Variants in PSG9 observed in about 807,000 individuals in gnomAD.
PSG9 encodes pregnancy-specific beta-1-glycoprotein 9.
A neutral mutation model predicts 41.9 loss-of-function variants in PSG9; 49 were observed. That is an observed-to-expected ratio of 1.17 (90% CI 0.93 to 1.48). PSG9 has a LOEUF of 1.48. Ranked by LOEUF, PSG9 falls within the 40% of genes most tolerant of loss-of-function variation. PSG9 has a pLI of 0.00. For missense variants in PSG9, 641 were observed against 520.3 expected, an observed-to-expected ratio of 1.23 and a Z score of -2.26; for synonymous variants, 263 against 196.8, an observed-to-expected ratio of 1.34 and a Z score of -2.82.
At chr19:43,262,760 C>G (rs1406353909) in intron 2 of PSG9, among the ~76,000 whole-genome samples, 1 of 152,114 alleles carries the variant, frequency 6.6e-6, no homozygotes, top group Non-Finnish European at 1.5e-5. Context: ...CTCATAGTGA[C>G]TGACTTGAGC....
At chr19:43,258,816 A>G (rs1968565156) in intron 4 of PSG9, 41 bp downstream of exon 4, 1 of 1,580,600 alleles carries the variant, frequency 6.3e-7, no homozygotes, top group Admixed American at 1.7e-5. Context: ...GTTTGGACTT[A>G]AGCTGGTGTC....
Position 43,267,869 on chromosome 19 carries a change from C to A in PSG9, c.345G>T (p.Lys115Asn), listed in dbSNP as rs1969048555. ...ASLLIQNVTRKDAGTYTLHII... is the reference protein window; with the variant it reads ...ASLLIQNVTRNDAGTYTLHII... ...TGTGTAAGGTGTAGGTTCCTGCATC[C>A]TTCCGGGTGACATTCTGGATCAGCA... Residue 115 changes from lysine to asparagine, a missense_variant, in exon 2 of 6, where the codon AAG becomes AAT. By Grantham distance (94) the Lys-to-Asn change is moderately conservative (BLOSUM62 0). Transcript: ENST00000270077. The A allele has an allele frequency of 1.9e-6, 3 of 1,613,802 alleles. No individual in the cohort carries two copies. The highest frequency in any genetic ancestry group is 1.3e-5 in the African/African-American group (1 of 75,012).
chr19:43,269,414 G>C lies in PSG9; in HGVS notation c.18C>G (p.Ala6=). MGPLP[A]PSCTQRITWK... is the part of the protein sequence containing the mutation. The stretch of plus-strand genomic sequence containing the variant: ...AGGTGATGCGCTGTGTGCAGGAAGG[G>C]GCTGGGAGGGGCCCCATGGTCTCTG... Residue 6 remains alanine (A), a synonymous_variant, in exon 1 of 6, where the codon GCC becomes GCG. Coordinates refer to ENST00000270077, the MANE Select transcript of PSG9 (RefSeq NM_002784.5). 2 of 1,613,676 alleles carry C rather than the reference G, an allele frequency of 1.2e-6. No individual in the cohort carries two copies. The highest frequency in any genetic ancestry group is 1.7e-6 in the Non-Finnish European group (2 of 1,179,702).
intron 1 of PSG9, 35 bp downstream of exon 1, chr19:43,269,333 T>A (rs1969137926): frequency 1.2e-6 from 2 of 1,612,538 alleles, no homozygotes; most frequent in Non-Finnish European, 1.7e-6. Context: ...CTCCGCTTCC[T>A]CCCCCTGTCC....
intron 5 of PSG9, 153 bp downstream of exon 5, chr19:43,258,049 G>C (rs747054963): frequency 6.3e-7 from 1 of 1,580,686 alleles, no homozygotes; most frequent in Admixed American, 1.8e-5. Context: ...AGAGTCTGTA[G>C]AGACAAATTG....
chr19:43,268,553 C>T (rs959945111), intron 1 of PSG9, among the ~76,000 whole-genome samples: 10 of 152,138 alleles, frequency 6.6e-5, no homozygotes, highest in African/African-American at 2.4e-4. Flanking sequence ...TGCTCTGCTC[C>T]CTCCAGGGTT....
intron 2 of PSG9, among the ~76,000 whole-genome samples, chr19:43,264,348 T>C (rs1430585114): frequency 2.6e-5 from 4 of 152,206 alleles, no homozygotes; most frequent in Admixed American, 6.5e-5. Context: ...TTTTTGAACT[T>C]TCCTTTTTCA....
chr19:43,259,625 G>A (rs1968615359), intron 3 of PSG9: 1 of 161,054 alleles, frequency 6.2e-6, no homozygotes, highest in Admixed American at 5.8e-5. Flanking sequence ...ATACTTAGCA[G>A]CCTGGCCTGG....
rs981488906 is a variant in PSG9, at chr19:43,267,967, T to C, written c.247A>G (p.Ile83Val). 4 of 1,613,652 alleles carry C rather than the reference T, an allele frequency of 2.5e-6. No individual in the cohort carries two copies. Among genetic ancestry groups the C allele is most frequent in the Non-Finnish European group, 3.4e-6 (4 of 1,179,678 alleles). ...TATATAATTATTTTACCATCAACTA[T>C]ATACGATATAATGTAATGGTAGAGG... ...TDLYHYIISY[I>V]VDGKIIIYGP... Residue 83 changes from isoleucine to valine, a missense_variant, in exon 2 of 6, where the codon ATA (isoleucine) becomes GTA (valine). Coordinates refer to ENST00000270077, the MANE Select transcript of PSG9 (RefSeq NM_002784.5).
At chr19:43,256,497 C>T (rs564186568) in intron 5 of PSG9, among the ~76,000 whole-genome samples, 4 of 146,690 alleles carry the variant, frequency 2.7e-5, no homozygotes, top group South Asian at 2.2e-4. Context: ...CAACAACAAA[C>T]ATCCAAAAAC....
chr19:43,257,710 G>T, intron 5 of PSG9: 2 of 1,135,536 alleles, frequency 1.8e-6, no homozygotes, highest in Non-Finnish European at 2.1e-6. Flanking sequence ...AGTCACCAGA[G>T]GAGCCCGGAG....
Position 43,259,041 on chromosome 19 carries a change from G to A in PSG9, c.804C>T (p.Asn268=). 1 of 1,590,906 alleles carries A rather than the reference G, an allele frequency of 6.3e-7. No homozygotes were observed. The highest frequency in any genetic ancestry group is 8.5e-7 in the Non-Finnish European group (1 of 1,174,516). The change falls in exon 4 of 6, where the codon AAC becomes AAT. Residue 268 remains asparagine (N), a synonymous_variant. Coordinates refer to ENST00000270077, the MANE Select transcript of PSG9 (RefSeq NM_002784.5). ...CGTTTAGCCACCAAATGTAGGTGTA[G>A]TTCTCACTCTTAGGTTCACAGGTGA... is the stretch of plus-strand genomic sequence containing the variant. ...LAFTCEPKSE[N]YTYIWWLNGQ... is the part of the protein sequence containing the mutation.
chr19:43,254,883 G>A (rs1968388180), intron 5 of PSG9, among the ~76,000 whole-genome samples: 1 of 144,780 alleles, frequency 6.9e-6, no homozygotes, highest in Admixed American at 6.9e-5. Flanking sequence ...GAGACCAGGT[G>A]TTTGGACCAG....
rs781259698 is a variant in PSG9 at position 43,267,851 on chromosome 19, G to C, written c.363C>G (p.Thr121=). ...NVTRKDAGTY[T]LHIIKRGDET... ...CATCACCTCGCTTTATGATGTGTAA[G>C]GTGTAGGTTCCTGCATCCTTCCGGG... The change falls in exon 2 of 6, where the codon ACC becomes ACG. Residue 121 remains threonine, a synonymous_variant. Transcript: ENST00000270077. The C allele has an allele frequency of 6.2e-6, 10 of 1,613,648 alleles. No homozygotes were observed. The South Asian group carries it at 8.8e-5, about 14-fold the overall frequency.
At chr19:43,267,144 A>C (rs1969008219) in intron 2 of PSG9, among the ~76,000 whole-genome samples, 1 of 152,166 alleles carries the variant, frequency 6.6e-6, no homozygotes, top group Non-Finnish European at 1.5e-5. Flanking sequence ...CTCCCAAGGC[A>C]GTTGGCTGAT....
At chr19:43,256,939 G>A (rs908363548) in intron 5 of PSG9, among the ~76,000 whole-genome samples, 4 of 146,798 alleles carry the variant, frequency 2.7e-5, no homozygotes, top group Non-Finnish European at 4.4e-5. Flanking sequence ...GCGAAAAAAT[G>A]GAAACAACTG....
rs1453323545 is a variant in PSG9, at chr19:43,267,949, T to C, written c.265A>G (p.Ile89Val). Residue 89 changes from isoleucine (I) to valine (V), a missense_variant, in exon 2 of 6, where the codon ATT becomes GTT. Coordinates refer to ENST00000270077, the MANE Select transcript of PSG9 (RefSeq NM_002784.5). ...IISYIVDGKI[I>V]IYGPAYSGRE... Reference sequence around the variant, plus strand: ...CCACTGTATGCAGGCCCATATATAATTATTTTACCATCAACTATATACGAT... The same window carrying C: ...CCACTGTATGCAGGCCCATATATAACTATTTTACCATCAACTATATACGAT... 1 of 1,613,686 alleles carries C rather than the reference T, an allele frequency of 6.2e-7. No homozygotes were observed. The highest frequency in any genetic ancestry group is 1.7e-5 in the Admixed American group (1 of 60,004).
Position 43,258,961 on chromosome 19 carries a change from A to T in PSG9, c.884T>A (p.Leu295His). 1 of 1,590,240 alleles carries T rather than the reference A, an allele frequency of 6.3e-7. No homozygotes were observed. The highest frequency in any genetic ancestry group is 8.5e-7 in the Non-Finnish European group (1 of 1,174,376). Residue 295 changes from leucine (L) to histidine (H), a missense_variant, in exon 4 of 6, where the codon CTC (leucine) becomes CAC (histidine). Transcript: ENST00000270077. ...ATTTCTCGTGACACTGGGTAGAATG[A>T]GTATCCTGTTTTCAATGGGTCGCTT... Reference protein sequence around the residue: ...GVKRPIENRILILPSVTRNET... With the variant: ...GVKRPIENRIHILPSVTRNET...
Position 43,259,078 on chromosome 19 carries a change from T to A in PSG9, c.767A>T (p.Asp256Val). ...INNLNPRENK[D>V]VLAFTCEPKS... ...AGGTTCACAGGTGAAGGCTAAGACA[T>A]CCTTATTCTCCCTGGGGTTTAAGTT... Residue 256 changes from aspartate (D) to valine (V), a missense_variant, in exon 4 of 6, where the codon GAT (aspartate) becomes GTT (valine). By Grantham distance (152) the Asp-to-Val change is radical (BLOSUM62 -3). Coordinates refer to ENST00000270077, the MANE Select transcript of PSG9 (RefSeq NM_002784.5). The A allele has an allele frequency of 6.3e-7, 1 of 1,590,598 alleles. No homozygotes were observed. Among genetic ancestry groups the A allele is most frequent in the Non-Finnish European group, 8.5e-7 (1 of 1,174,456 alleles).
Sources: gnomAD v4.1 joint callset for allele counts (sites outside exome capture counted in the v4.1 genomes callset) on GRCh38, gnomAD v4.1.1 for gene constraint, MANE v1.5 for transcripts, NCBI Gene and HGNC (gene_info 2026-07-23, HGNC 2026-07-21) for gene names.